Variants in INSR observed in about 807,000 individuals in gnomAD.
The protein encoded by INSR is insulin receptor.
Under a neutral mutation model 142.6 loss-of-function variants are expected in INSR, and 67 were observed. The ratio of observed to expected loss-of-function variants is 0.47; its 90% CI spans 0.39 to 0.58. The LOEUF (loss-of-function observed/expected upper bound fraction) is 0.58. Among genes scored for constraint, INSR ranks in the 20% least tolerant of loss-of-function variants. The pLI is 0.00. For missense variants in INSR, 1,248 were observed against 1,833.2 expected, an observed-to-expected ratio of 0.68 and a Z score of 5.83; for synonymous variants, 756 against 743.1, an observed-to-expected ratio of 1.02 and a Z score of -0.28.
At chr19:7,120,574 T>C (rs1282889096) in intron 20 of INSR, 46 bp downstream of exon 20, 1 of 1,611,866 alleles carries the variant, frequency 6.2e-7, no homozygotes, top group East Asian at 2.2e-5. Flanking sequence ...CACTAGCACC[T>C]GGAATTCAAG....
intron 2 of INSR, among the ~76,000 whole-genome samples, chr19:7,193,436 TGGGGAGCGGAAGTTGC>T (rs1555748821): frequency 1.3e-5 from 2 of 149,818 alleles, no homozygotes; most frequent in Non-Finnish European, 3.0e-5. Context: ...CACCTGAACC[TGGGGAGCGGAAGTTGC>T]AGTGAGCTGA....
At chr19:7,268,891 C>T (rs1362633615) in intron 1 of INSR, among the ~76,000 whole-genome samples, 1 of 152,084 alleles carries the variant, frequency 6.6e-6, no homozygotes, top group Non-Finnish European at 1.5e-5. Context: ...TCAAATGCTG[C>T]CTCCTCCTCC....
intron 2 of INSR, among the ~76,000 whole-genome samples, chr19:7,249,991 C>CAA (rs146476809): frequency 1.1e-4 from 16 of 149,742 alleles, no homozygotes; most frequent in East Asian, 3.9e-4. Flanking sequence ...GACTCTGTCT[C>CAA]AAAAAAAAAT....
At chr19:7,118,356 C>A in intron 21 of INSR, among the ~76,000 whole-genome samples, 1 of 152,132 alleles carries the variant, frequency 6.6e-6, no homozygotes, top group Admixed American at 6.5e-5. Flanking sequence ...CTCACTCTGT[C>A]ACCCATGCTG....
At position 7,184,565 on chromosome 19, in the gene INSR, T is replaced by G. The variant is rs1459277936; in HGVS notation, c.725A>C (p.Asn242Thr). ...GLCCHSECLG[N>T]CSQPDDPTKC... Reference sequence around the variant, plus strand: ...GGTGGGGTCGTCGGGCTGAGAACAGTTGCCCAGGCACTCGCTGTGGCAACA... The same window carrying G: ...GGTGGGGTCGTCGGGCTGAGAACAGGTGCCCAGGCACTCGCTGTGGCAACA... The change falls in exon 3 of 22, where the codon AAC (asparagine) becomes ACC (threonine). Residue 242 changes from asparagine to threonine, a missense_variant. Coordinates refer to ENST00000302850, the MANE Select transcript of INSR (RefSeq NM_000208.4). 6.2e-7 allele frequency: 1 copy of G among 1,613,250 alleles called. No homozygotes were observed. The highest frequency in any genetic ancestry group is 2.2e-5 in the East Asian group (1 of 44,852).
intron 2 of INSR, among the ~76,000 whole-genome samples, chr19:7,221,067 C>T (rs1428020749): frequency 1.3e-5 from 2 of 152,134 alleles, no homozygotes; most frequent in Non-Finnish European, 2.9e-5. Context: ...CTGCAGAGTC[C>T]CCACCGGCAA....
In INSR at chr19:7,267,499, G is replaced by A. The variant is rs1389074595; in HGVS notation, c.498C>T (p.Ser166=). The A allele has an allele frequency of 1.9e-6, 3 of 1,613,930 alleles. No individual in the cohort carries two copies. Among genetic ancestry groups the A allele is most frequent in the African/African-American group, 1.3e-5 (1 of 74,890 alleles). Residue 166 remains serine, a synonymous_variant, in exon 2 of 22, where the codon TCC becomes TCT. Transcript: ENST00000302850. The surrounding 1 kb of genome is among the most constrained non-coding windows in gnomAD (Gnocchi z 6.3). ...ATIDWSRILD[S]VEDNYIVLNK... is the part of the protein sequence containing the mutation. ...TCAACACGATGTAATTATCCTCCAC[G>A]GAATCCAGGATACGGGACCAGTCGA...
rs1973109072 is a variant in INSR, at chr19:7,142,985, AC to A, written c.2372del (p.Ser791IlefsTer12). 1 of 1,614,088 alleles carries A rather than the reference AC, an allele frequency of 6.2e-7. No individual in the cohort carries two copies. The highest frequency in any genetic ancestry group is 1.3e-5 in the African/African-American group (1 of 74,990). The part of the protein sequence containing the change: ...PNTSSTSVPT[S>X]PEEHRPFEKV... Reference sequence around the variant, plus strand: ...TCTCAAAAGGCCTGTGCTCCTCCGGACTCGTGGGCACGCTGGTCGAGGAAGT... The same window carrying A: ...TCTCAAAAGGCCTGTGCTCCTCCGGATCGTGGGCACGCTGGTCGAGGAAGT... On this transcript the variant is annotated frameshift_variant, in exon 12 of 22. Transcript: ENST00000302850. LOFTEE classifies it high-confidence loss of function.
intron 2 of INSR, among the ~76,000 whole-genome samples, chr19:7,205,392 G>C (rs1975081264): frequency 6.6e-6 from 1 of 152,164 alleles, no homozygotes; most frequent in Non-Finnish European, 1.5e-5. Context: ...TTACTTTCTT[G>C]CATTGAGAAA....
At chr19:7,123,701 T>G (rs1025537775) in intron 17 of INSR, among the ~76,000 whole-genome samples, 4 of 151,742 alleles carry the variant, frequency 2.6e-5, no homozygotes, top group Admixed American at 2.0e-4. Flanking sequence ...GGCCGGTGGA[T>G]CACCTGAATT....
chr19:7,117,741 G>C (rs1202819544), intron 21 of INSR, among the ~76,000 whole-genome samples: 1 of 151,580 alleles, frequency 6.6e-6, no homozygotes, highest in African/African-American at 2.4e-5. Context: ...CAAGTAGCTG[G>C]GACCACAGGT....
Position 7,150,366 on chromosome 19 carries a change from T to C in INSR, c.2267+131A>G, listed in dbSNP as rs1236549554. 1 of 762,424 alleles carries C rather than the reference T, an allele frequency of 1.3e-6. No individual in the cohort carries two copies. Among genetic ancestry groups the C allele is most frequent in the African/African-American group, 1.7e-5 (1 of 58,440 alleles). 47.2% of individuals were successfully genotyped at this position (762,424 alleles called of 1,614,324 possible). ...ATTGGATTTCTGAATTGGTGAAGCATCTGCTCTCCAGCACAGCTGCCCGCC... is the reference window on the plus strand; with the variant it reads ...ATTGGATTTCTGAATTGGTGAAGCACCTGCTCTCCAGCACAGCTGCCCGCC... On this transcript the variant is annotated intron_variant, in intron 11 of 21. Transcript: ENST00000302850. The surrounding 1 kb of genome is among the most constrained non-coding windows in gnomAD (Gnocchi z 4.2).
chr19:7,272,068 G>C (rs1967940780), intron 1 of INSR, among the ~76,000 whole-genome samples: 1 of 152,130 alleles, frequency 6.6e-6, no homozygotes, highest in South Asian at 2.1e-4. Context: ...ACTGCGGGAG[G>C]CCGAGGTGGG....
Position 7,184,666 on chromosome 19 carries a change from A to AGAGAGAGAGAGAGAGAGAGG in INSR, c.653-30_653-29insCCTCTCTCTCTCTCTCTCTC, listed in dbSNP as rs1555746897. The AGAGAGAGAGAGAGAGAGAGG allele has an allele frequency of 6.0e-6, 4 of 667,318 alleles. No homozygotes were observed. In the African/African-American group the frequency reaches 1.8e-4, roughly 30 times the overall value. The allele number at this position is 667,318 out of a possible 1,614,324, so 41.3% of individuals were successfully genotyped here. On this transcript the variant is annotated intron_variant, in intron 2 of 21. Transcript: ENST00000302850. ...GAGAGAGAGAGAGAGAGAGAGGGAA[A>AGAGAGAGAGAGAGAGAGAGG]TAAATAAATAAATAAATAAATAAAT...
intron 2 of INSR, among the ~76,000 whole-genome samples, chr19:7,190,068 T>G (rs1159105523): frequency 5.9e-5 from 9 of 151,910 alleles, no homozygotes; most frequent in Admixed American, 5.9e-4. Flanking sequence ...TACTCTCAGC[T>G]GGGCATGGAG....
rs913947610 is a variant in INSR at position 7,127,161 on chromosome 19, C to T, written c.2946-510G>A. Reference sequence around the variant, plus strand: ...GATCCTCCTGCCTCATCCTCCCGAGCGGCTGGGACTACAGATATGCACGAC... The same window carrying T: ...GATCCTCCTGCCTCATCCTCCCGAGTGGCTGGGACTACAGATATGCACGAC... On this transcript the variant is annotated intron_variant, in intron 15 of 21. Coordinates refer to ENST00000302850, the MANE Select transcript of INSR (RefSeq NM_000208.4). Among the ~76,000 whole-genome samples the T allele has an allele frequency of 7.2e-5, 11 of 152,106 alleles. 1 individual carries two copies. The South Asian group carries it at 1.4e-3, about 20-fold the overall frequency.
chr19:7,212,561 CAGAG>C (rs1975307689), intron 2 of INSR, among the ~76,000 whole-genome samples: 1 of 152,104 alleles, frequency 6.6e-6, no homozygotes, highest in South Asian at 2.1e-4. Context: ...CAGGCAGAAT[CAGAG>C]AGAAAATTTT....
intron 2 of INSR, among the ~76,000 whole-genome samples, chr19:7,237,908 A>C (rs564112299): frequency 9.2e-5 from 14 of 152,178 alleles, no homozygotes; most frequent in Non-Finnish European, 1.9e-4. Context: ...TCTTTATAGC[A>C]ATGTGAGAAT....
chr19:7,280,502 G>T (rs561010839), intron 1 of INSR, among the ~76,000 whole-genome samples: 138 of 152,208 alleles, frequency 9.1e-4, no homozygotes, highest in African/African-American at 3.2e-3. Flanking sequence ...TGGATCACCT[G>T]AGATCAGGAG....
Sources: allele counts gnomAD v4.1 joint callset (sites outside exome capture counted in the v4.1 genomes callset), GRCh38; gene constraint gnomAD v4.1.1; non-coding constraint Gnocchi (gnomAD v3.1); transcripts MANE v1.5; gene names NCBI Gene and HGNC (gene_info 2026-07-23, HGNC 2026-07-21).